BIN2: variants seen among roughly 807,000 people sequenced by gnomAD.
The protein encoded by BIN2 is bridging integrator 2.
BIN2 carries 43 observed loss-of-function variants against 67.9 expected under a neutral mutation model. The observed-to-expected ratio is 0.63, with a 90% CI of 0.50 to 0.82. The LOEUF is 0.82. Among genes scored for constraint, BIN2 ranks in the 40% least tolerant of loss-of-function variants. The pLI, the probability that BIN2 is intolerant of heterozygous loss-of-function variation, is 0.00. For synonymous variants in BIN2, 244 were observed against 246.8 expected (o/e 0.99, Z 0.11); for missense variants, 581 against 671.6 (o/e 0.87, Z 1.49).
At chr12:51,305,826 C>CTTTTTT (rs1168899685) in intron 2 of BIN2, among the ~76,000 whole-genome samples, 117 of 82,430 alleles carry the variant, frequency 1.4e-3, no homozygotes, top group South Asian at 2.1e-3. Context: ...TGTTTTCTTT[C>CTTTTTT]TTTTTTTTTT....
At chr12:51,319,805 C>T (rs1160012388) in intron 1 of BIN2, among the ~76,000 whole-genome samples, 1 of 152,214 alleles carries the variant, frequency 6.6e-6, no homozygotes, top group East Asian at 1.9e-4. Flanking sequence ...TAGTTCCCTA[C>T]CATTGCCTCT....
At chr12:51,283,034 A>C (rs1945150652) in intron 12 of BIN2, among the ~76,000 whole-genome samples, 1 of 151,528 alleles carries the variant, frequency 6.6e-6, no homozygotes, top group Non-Finnish European at 1.5e-5. Flanking sequence ...AGGCGGGAGG[A>C]TCATGAGGTC....
At position 51,296,390 on chromosome 12, in the gene BIN2, G is replaced by A. The variant is rs149176750; in HGVS notation, c.679-512C>T. ...TGGGCACCTGTAGTCCCAGCTACTC[G>A]GGAGGCTGAGGCAGGAGAATGGCGT... On this transcript the variant is annotated intron_variant, in intron 8 of 12. Coordinates refer to ENST00000615107, the MANE Select transcript of BIN2 (RefSeq NM_016293.4). Among the ~76,000 whole-genome samples the A allele has an allele frequency of 5.2e-3, 794 of 151,826 alleles. 32 individuals carry two copies. The East Asian group carries it at 0.1, about 20-fold the overall frequency.
chr12:51,310,783 T>C (rs1945972886), intron 2 of BIN2, among the ~76,000 whole-genome samples: 1 of 152,140 alleles, frequency 6.6e-6, no homozygotes, highest in Admixed American at 6.6e-5. Context: ...TTTTTTGAGA[T>C]AGGGTCTCAC....
intron 1 of BIN2, among the ~76,000 whole-genome samples, chr12:51,317,171 C>T (rs1447838692): frequency 2.0e-5 from 3 of 152,052 alleles, no homozygotes; most frequent in Admixed American, 1.3e-4. Context: ...CCACTGTGCC[C>T]GGCCTGTTTT....
intron 2 of BIN2, among the ~76,000 whole-genome samples, chr12:51,307,827 GCA>G (rs1220309670): frequency 2.0e-5 from 3 of 152,080 alleles, no homozygotes; most frequent in African/African-American, 4.8e-5. Context: ...ATGCATAAAT[GCA>G]CAGTGTTGAA....
At chr12:51,324,466 C>T (rs1403803634), upstream of BIN2, 17 of 1,516,810 alleles carry the variant, frequency 1.1e-5, no homozygotes, top group East Asian at 2.5e-5. Context: ...GCAACTGCCA[C>T]CGCAGGGTAG....
rs1177711307 is a variant in BIN2 at position 51,313,912 on chromosome 12, A to T, written c.82-9T>A. Reference sequence around the variant, plus strand: ...CCCAATTTCTGCAGCACCTAGGGATATAAGTCAGAAAGGCCCGTAAGGTTA... The same window carrying T: ...CCCAATTTCTGCAGCACCTAGGGATTTAAGTCAGAAAGGCCCGTAAGGTTA... On this transcript the variant is annotated splice_polypyrimidine_tract_variant and intron_variant, in intron 1 of 12. Transcript: ENST00000615107. 4 of 1,611,848 alleles carry T rather than the reference A, an allele frequency of 2.5e-6. No individual in the cohort carries two copies. The highest frequency in any genetic ancestry group is 3.4e-6 in the Non-Finnish European group (4 of 1,178,042).
intron 11 of BIN2, 73 bp from the exon 12 acceptor site, chr12:51,284,860 G>A: frequency 3.7e-6 from 4 of 1,094,008 alleles, no homozygotes; most frequent in Non-Finnish European, 5.6e-6. Flanking sequence ...AGTGTCTTCT[G>A]TGCCTTATAC....
At chr12:51,297,433 G>A (rs1945595993) in intron 7 of BIN2, 1 of 275,946 alleles carries the variant, frequency 3.6e-6, no homozygotes, top group Non-Finnish European at 6.9e-6. Flanking sequence ...CGGGCGTGGT[G>A]GCATGAGCCT....
chr12:51,295,342 A>G (rs1379441836), intron 9 of BIN2, among the ~76,000 whole-genome samples: 2 of 146,092 alleles, frequency 1.4e-5, no homozygotes, highest in African/African-American at 5.1e-5. Flanking sequence ...AGGTCAGGAG[A>G]TTGAGACCAT....
At chr12:51,295,327 T>C (rs1428747960) in intron 9 of BIN2, among the ~76,000 whole-genome samples, 1 of 141,644 alleles carries the variant, frequency 7.1e-6, no homozygotes, top group African/African-American at 2.7e-5. Context: ...GGCGGGCGGA[T>C]CACGAGGTCA....
chr12:51,323,972 C>A (rs1293660576), intron 1 of BIN2, 50 bp downstream of exon 1: 8 of 1,602,190 alleles, frequency 5.0e-6, no homozygotes, highest in Non-Finnish European at 6.0e-6. Flanking sequence ...GGCTCGGCCT[C>A]GGCCTCGGCT....
At chr12:51,324,224 G>A (rs1251228676), upstream of BIN2, 3 of 1,462,282 alleles carry the variant, frequency 2.1e-6, no homozygotes, top group South Asian at 2.8e-5. Flanking sequence ...AGCCACCTCA[G>A]GCCGCCCCTG....
intron 9 of BIN2, among the ~76,000 whole-genome samples, chr12:51,292,699 T>C (rs765975932): frequency 2.6e-5 from 4 of 152,194 alleles, no homozygotes; most frequent in Non-Finnish European, 5.9e-5. Context: ...AAATCAATAC[T>C]TGTGGCACTT....
intron 12 of BIN2, 91 bp downstream of exon 12, chr12:51,284,625 T>C: frequency 1.9e-6 from 2 of 1,027,610 alleles, no homozygotes; most frequent in Non-Finnish European, 3.1e-6. Context: ...CACTGCCGGA[T>C]TCCCCTTGTA....
intron 2 of BIN2, among the ~76,000 whole-genome samples, chr12:51,313,575 A>T (rs1471580332): frequency 6.6e-6 from 1 of 151,992 alleles, no homozygotes; most frequent in Non-Finnish European, 1.5e-5. Context: ...TCCTGACCTC[A>T]GGTGATCCGC....
intron 1 of BIN2, among the ~76,000 whole-genome samples, chr12:51,317,841 A>G (rs1297858517): frequency 6.6e-6 from 1 of 151,960 alleles, no homozygotes; most frequent in Non-Finnish European, 1.5e-5. Flanking sequence ...ACAAAAAATT[A>G]GCCAGGCGTG....
chr12:51,313,757 T>C (rs1348057607), intron 2 of BIN2, 66 bp downstream of exon 2: 2 of 1,406,482 alleles, frequency 1.4e-6, no homozygotes, highest in African/African-American at 2.8e-5. Context: ...CTTATTGTTC[T>C]TCTGCCACTC....
Sources: allele counts gnomAD v4.1 joint callset (sites outside exome capture counted in the v4.1 genomes callset), GRCh38; gene constraint gnomAD v4.1.1; transcripts MANE v1.5; gene names NCBI Gene and HGNC (gene_info 2026-07-23, HGNC 2026-07-21).